Variants in NAA25 observed in about 807,000 individuals in gnomAD.
The protein encoded by NAA25 is N-alpha-acetyltransferase 25, NatB auxiliary subunit, also known as N-terminal acetyltransferase B complex subunit NAA25.
In NAA25, 30 loss-of-function variants were observed where a neutral mutation model predicts 132.5. That is an observed-to-expected ratio of 0.23 (90% CI 0.17 to 0.31). NAA25 has a LOEUF of 0.31. Ranked by LOEUF, NAA25 falls within the 10% of genes least tolerant of loss-of-function variation. The pLI, the probability that NAA25 is intolerant of heterozygous loss-of-function variation, is 1.00. For synonymous variants in NAA25, 359 were observed against 401.9 expected, an observed-to-expected ratio of 0.89 and a Z score of 1.28; for missense variants, 771 against 1,150.4, an observed-to-expected ratio of 0.67 and a Z score of 4.77.
intron 4 of NAA25, among the ~76,000 whole-genome samples, chr12:112,083,981 T>A (rs1379607619): frequency 1.3e-5 from 2 of 152,210 alleles, no homozygotes; most frequent in Non-Finnish European, 2.9e-5. Flanking sequence ...TATATAACAT[T>A]AGAATATGAA....
At chr12:112,035,351 T>C (rs2078210088) in intron 22 of NAA25, 1 of 152,164 alleles carries the variant, frequency 6.6e-6, no homozygotes, top group Non-Finnish European at 1.5e-5. Context: ...TTTTCCTTTT[T>C]GTCTTGCTAT....
chr12:112,063,685 A>G (rs2078671322), intron 11 of NAA25, among the ~76,000 whole-genome samples: 1 of 152,226 alleles, frequency 6.6e-6, no homozygotes, highest in Admixed American at 6.5e-5. Context: ...ATTTGTTATA[A>G]ACAACTAATC....
At chr12:112,060,210 G>A (rs897963993) in intron 13 of NAA25, 60 bp downstream of exon 13, 2 of 1,040,222 alleles carry the variant, frequency 1.9e-6, no homozygotes, top group Non-Finnish European at 3.0e-6. Context: ...ATGAAAGAAT[G>A]CAGTACTTAT....
Position 112,094,806 on chromosome 12 carries a change from T to A in NAA25, c.59-1670A>T, listed in dbSNP as rs1040202936. ...TCCCGAGTAGCTGGGATTACAGGTG[T>A]GCACCACCATGCCCAGCTAAATTTG... On this transcript the variant is annotated intron_variant, in intron 1 of 23. Transcript: ENST00000261745. 6.4e-4 allele frequency among the ~76,000 whole-genome samples: 98 copies of A among 152,174 alleles called. 2 individuals are homozygous for A. The highest frequency in any genetic ancestry group is 7.4e-5 in the Non-Finnish European group (5 of 67,998).
chr12:112,031,482 T>C (rs2078149224), intron 23 of NAA25, among the ~76,000 whole-genome samples: 3 of 152,146 alleles, frequency 2.0e-5, no homozygotes. Flanking sequence ...CATTTACAGA[T>C]AAAGAGATTG....
At position 112,029,659 on chromosome 12, in the gene NAA25, A is replaced by G; in HGVS notation, c.2797-6T>C. ...TTTGAAAATTTTCTCTCTTCCTATAAAGGAGGAGACAAGAATAATTAGTCT... is the reference window on the plus strand; with the variant it reads ...TTTGAAAATTTTCTCTCTTCCTATAGAGGAGGAGACAAGAATAATTAGTCT... On this transcript the variant is annotated splice_region_variant and splice_polypyrimidine_tract_variant and intron_variant, in intron 23 of 23. Coordinates refer to ENST00000261745, the MANE Select transcript of NAA25 (RefSeq NM_024953.4). The G allele has an allele frequency of 6.2e-7, 1 of 1,611,442 alleles. No homozygotes were observed. Among genetic ancestry groups the G allele is most frequent in the Non-Finnish European group, 8.5e-7 (1 of 1,179,392 alleles).
chr12:112,043,323 C>T, intron 18 of NAA25, 112 bp from the exon 19 acceptor site: 4 of 1,137,954 alleles, frequency 3.5e-6, no homozygotes, highest in Non-Finnish European at 4.9e-6. Context: ...CAGCTAAAAG[C>T]CACTAATCAG....
intron 14 of NAA25, among the ~76,000 whole-genome samples, chr12:112,054,143 A>G (rs1032369933): frequency 3.3e-5 from 5 of 152,232 alleles, no homozygotes; most frequent in Admixed American, 1.3e-4. Flanking sequence ...ATAAGGGTTC[A>G]AAGTATATAG....
rs192562180 is a variant in NAA25, at chr12:112,098,408, G to C, written c.59-5272C>G. The stretch of plus-strand genomic sequence containing the variant: ...GGACCTAGGAGAGTGTGATTAATTA[G>C]CTGCTAAGTCTCTTGGGAAAGTTTA... On this transcript the variant is annotated intron_variant, in intron 1 of 23. Coordinates refer to ENST00000261745, the MANE Select transcript of NAA25 (RefSeq NM_024953.4). Among the ~76,000 whole-genome samples the C allele has an allele frequency of 3.0e-3, 462 of 152,244 alleles. 5 individuals are homozygous for C. The highest frequency in any genetic ancestry group is 4.9e-3 in the Non-Finnish European group (331 of 68,028).
At chr12:112,096,959 T>C (rs932191586) in intron 1 of NAA25, among the ~76,000 whole-genome samples, 2 of 152,174 alleles carry the variant, frequency 1.3e-5, no homozygotes, top group Non-Finnish European at 2.9e-5. Context: ...TAAGGGTATT[T>C]TTCCCTTCCC....
chr12:112,032,248 G>A (rs1288664047), intron 23 of NAA25, among the ~76,000 whole-genome samples: 1 of 152,142 alleles, frequency 6.6e-6, no homozygotes, highest in African/African-American at 2.4e-5. Flanking sequence ...TTACAGGCGT[G>A]AGCCACTGTG....
chr12:112,080,820 T>C (rs1012468437), intron 5 of NAA25, among the ~76,000 whole-genome samples: 2 of 152,046 alleles, frequency 1.3e-5, no homozygotes, highest in Non-Finnish European at 2.9e-5. Flanking sequence ...TTTTTTTAAT[T>C]AGCCAGGCAA....
At chr12:112,092,739 G>A (rs1334189734) in intron 2 of NAA25, among the ~76,000 whole-genome samples, 1 of 150,146 alleles carries the variant, frequency 6.7e-6, no homozygotes, top group African/African-American at 2.5e-5. Context: ...GTGCAATGGT[G>A]CGATCTCCGC....
intron 3 of NAA25, among the ~76,000 whole-genome samples, chr12:112,088,239 C>A (rs1026208879): frequency 6.6e-6 from 1 of 151,890 alleles, no homozygotes; most frequent in African/African-American, 2.4e-5. Flanking sequence ...CTCTGAACAC[C>A]ATCTCTGCTT....
intron 4 of NAA25, among the ~76,000 whole-genome samples, chr12:112,085,586 T>C (rs1566026933): frequency 6.6e-6 from 1 of 152,118 alleles, no homozygotes; most frequent in South Asian, 2.1e-4. Context: ...TTATGTACCA[T>C]AGGGATGAAC....
intron 12 of NAA25, 124 bp downstream of exon 12, chr12:112,061,057 T>C: frequency 1.4e-6 from 1 of 712,504 alleles, no homozygotes; most frequent in Non-Finnish European, 2.3e-6. Context: ...TTAGATGGTC[T>C]TCCCAGACAA....
chr12:112,062,453 G>A (rs1421038607), intron 11 of NAA25, among the ~76,000 whole-genome samples: 4 of 151,602 alleles, frequency 2.6e-5, no homozygotes, highest in South Asian at 2.1e-4. Context: ...TGTGGTGCGC[G>A]GTGGCTCACG....
intron 1 of NAA25, among the ~76,000 whole-genome samples, chr12:112,094,346 C>T (rs2079183117): frequency 6.6e-6 from 1 of 151,132 alleles, no homozygotes. Flanking sequence ...AGATTCAAGA[C>T]TATACATATT....
chr12:112,038,567 G>A (rs771367453), intron 22 of NAA25, among the ~76,000 whole-genome samples: 1 of 152,102 alleles, frequency 6.6e-6, no homozygotes, highest in Non-Finnish European at 1.5e-5. Flanking sequence ...TTTTCTGTAG[G>A]TGTATAATTT....
Sources: allele counts gnomAD v4.1 joint callset (sites outside exome capture counted in the v4.1 genomes callset), GRCh38; gene constraint gnomAD v4.1.1; transcripts MANE v1.5; gene names NCBI Gene and HGNC (gene_info 2026-07-23, HGNC 2026-07-21).